The following ZNF497 variants were observed in gnomAD, a reference collection of about 807,000 sequenced individuals.
ZNF497 encodes the protein zinc finger-like protein.
For synonymous variants in ZNF497, 422 were observed against 313.7 expected (o/e 1.35, Z -3.65); for missense variants, 930 against 714.0 (o/e 1.30, Z -3.45).
In ZNF497 at chr19:58,357,110, G is replaced by A; in HGVS notation, c.526C>T (p.Gln176Ter). 6.2e-7 allele frequency: 1 copy of A among 1,608,094 alleles called. No individual in the cohort carries two copies. Among genetic ancestry groups the A allele is most frequent in the African/African-American group, 1.3e-5 (1 of 74,616 alleles). Residue 176 changes from glutamine to a stop codon, truncating the protein, a stop_gained, in exon 3 of 3, where the codon CAG becomes TAG. Transcript: ENST00000311044. LOFTEE classifies it low-confidence loss of function (END_TRUNC). ...ECGKAFRAHSQLIHHQETHSG... is the reference protein window; with the variant it reads ...ECGKAFRAHS ...TGTGTCTCCTGGTGGTGGATGAGCT[G>A]CGAGTGCGCGCGGAAGGCCTTGCCG... is the stretch of plus-strand genomic sequence containing the variant.
In ZNF497 at chr19:58,356,936, G is replaced by A; in HGVS notation, c.700C>T (p.Leu234=). Residue 234 remains leucine, a synonymous_variant, in exon 3 of 3, where the codon CTG becomes TTG. Coordinates refer to ENST00000311044, the MANE Select transcript of ZNF497 (RefSeq NM_198458.3). Reference sequence around the variant, plus strand: ...CCCGTGTGCACGCGCCGGTGCTCCAGGAAATTGGAGTTCCAGCTGAAGGCC... The same window carrying A: ...CCCGTGTGCACGCGCCGGTGCTCCAAGAAATTGGAGTTCCAGCTGAAGGCC... ...GKAFSWNSNF[L]EHRRVHTGAR... is the part of the protein sequence containing the mutation. The A allele has an allele frequency of 6.3e-7, 1 of 1,599,452 alleles. No individual in the cohort carries two copies. Among genetic ancestry groups the A allele is most frequent in the Non-Finnish European group, 8.5e-7 (1 of 1,176,410 alleles).
intron 1 of ZNF497, 32 bp from the exon 2 acceptor site, chr19:58,358,617 GGT>G: frequency 8.9e-7 from 1 of 1,120,354 alleles, no homozygotes; most frequent in Non-Finnish European, 1.1e-6. Context: ...GGCAGGGTGA[GGT>G]GTTCAGCCTA....
At chr19:58,358,697 GAC>G (rs977084221) in intron 1 of ZNF497, 112 bp from the exon 2 acceptor site, 17 of 494,696 alleles carry the variant, frequency 3.4e-5, no homozygotes, top group Non-Finnish European at 5.1e-5. Flanking sequence ...CAGTTCTCAG[GAC>G]ACAATGCGGA....
At chr19:58,359,185 G>A (rs2052063908) in intron 1 of ZNF497, 2 of 1,290,930 alleles carry the variant, frequency 1.5e-6, no homozygotes, top group Non-Finnish European at 2.0e-6. Flanking sequence ...TCTTGGAGCT[G>A]GGCTCACCCA....
At position 58,356,906 on chromosome 19, in the gene ZNF497, G is replaced by A. The variant is rs955087098; in HGVS notation, c.730C>T (p.Arg244Trp). Residue 244 changes from arginine (R) to tryptophan (W), a missense_variant, in exon 3 of 3, where the codon CGG becomes TGG. Physicochemically the swap from Arg to Trp is moderately radical, Grantham distance 101 (BLOSUM62 -3). Transcript: ENST00000311044. ...LEHRRVHTGA[R>W]PHACRDCGKA... ...CCACAGTCCCGGCAGGCGTGCGGCCGCGCGCCCGTGTGCACGCGCCGGTGC... is the reference window on the plus strand; with the variant it reads ...CCACAGTCCCGGCAGGCGTGCGGCCACGCGCCCGTGTGCACGCGCCGGTGC... 4 of 1,547,756 alleles carry A rather than the reference G, an allele frequency of 2.6e-6. No individual in the cohort carries two copies. The South Asian group carries it at 3.4e-5, about 13-fold the overall frequency.
At position 58,356,821 on chromosome 19, in the gene ZNF497, C is replaced by A; in HGVS notation, c.815G>T (p.Arg272Leu). ...AEHLKIHAGA[R>L]PHACPDCGKA... is the part of the protein sequence containing the mutation. ...GCCGCAGTCGGGACAGGCGTGTGGCCGTGCGCCCGCGTGGATCTTCAGGTG... is the reference window on the plus strand; with the variant it reads ...GCCGCAGTCGGGACAGGCGTGTGGCAGTGCGCCCGCGTGGATCTTCAGGTG... Residue 272 changes from arginine (R) to leucine (L), a missense_variant, in exon 3 of 3, where the codon CGG (arginine) becomes CTG (leucine). Coordinates refer to ENST00000311044, the MANE Select transcript of ZNF497 (RefSeq NM_198458.3). 6.4e-7 allele frequency: 1 copy of A among 1,559,812 alleles called. No individual in the cohort carries two copies.
At position 58,357,596 on chromosome 19, in the gene ZNF497, C is replaced by G; in HGVS notation, c.40G>C (p.Glu14Gln). The change falls in exon 3 of 3, where the codon GAG (glutamate) becomes CAG (glutamine). Residue 14 changes from glutamate (E) to glutamine (Q), a missense_variant. Glu to Gln is a conservative substitution (Grantham distance 29). Coordinates refer to ENST00000311044, the MANE Select transcript of ZNF497 (RefSeq NM_198458.3). ...PRGWTLQVAP[E>Q]EGQVLCNVKT... Reference sequence around the variant, plus strand: ...ACATTGCAGAGGACCTGGCCTTCCTCTGGGGCCACCTGCAGGGTCCACCCT... The same window carrying G: ...ACATTGCAGAGGACCTGGCCTTCCTGTGGGGCCACCTGCAGGGTCCACCCT... 1.9e-6 allele frequency: 3 copies of G among 1,558,208 alleles called. No homozygotes were observed. The highest frequency in any genetic ancestry group is 2.6e-6 in the Non-Finnish European group (3 of 1,155,806).
rs551580074 is a variant in ZNF497, at chr19:58,360,767, C to CTTTTTT, written c.-112+1904_-112+1909dup. Among the ~76,000 whole-genome samples the CTTTTTT allele has an allele frequency of 1.4e-3, 47 of 34,530 alleles. 13 individuals carry two copies. The highest frequency in any genetic ancestry group is 2.3e-3 in the Admixed American group (5 of 2,144). 22.7% of individuals were successfully genotyped at this position (34,530 alleles called of 152,430 possible). ...ATGTTGGCCAGGCTGGTCCCGAACT[C>CTTTTTT]TTTTTTTTTTTTTTTTTTTTTTTTT... On this transcript the variant is annotated intron_variant, in intron 1 of 2. Coordinates refer to ENST00000311044, the MANE Select transcript of ZNF497 (RefSeq NM_198458.3).
chr19:58,356,971 T>C lies in ZNF497; in HGVS notation c.665A>G (p.Glu222Gly). 1 of 1,607,900 alleles carries C rather than the reference T, an allele frequency of 6.2e-7. No individual in the cohort carries two copies. Among genetic ancestry groups the C allele is most frequent in the Non-Finnish European group, 8.5e-7 (1 of 1,178,616 alleles). ...HTGEKPYECP[E>G]CGKAFSWNSN... is the part of the protein sequence containing the mutation. ...GTTCCAGCTGAAGGCCTTGCCGCACTCCGGGCACTCGTAGGGCTTCTCGCC... is the reference window on the plus strand; with the variant it reads ...GTTCCAGCTGAAGGCCTTGCCGCACCCCGGGCACTCGTAGGGCTTCTCGCC... The change falls in exon 3 of 3, where the codon GAG becomes GGG. Residue 222 changes from glutamate (E) to glycine (G), a missense_variant. By Grantham distance (98) the Glu-to-Gly change is moderately conservative (BLOSUM62 -2). Transcript: ENST00000311044.
intron 2 of ZNF497, 131 bp from the exon 3 acceptor site, chr19:58,357,780 G>GC: frequency 8.4e-7 from 1 of 1,195,306 alleles, no homozygotes; most frequent in Non-Finnish European, 1.1e-6. Context: ...GATGCCCAAT[G>GC]CCCTCTGGAG....
chr19:58,356,974 G>A lies in ZNF497; in HGVS notation c.662C>T (p.Pro221Leu). Residue 221 changes from proline to leucine, a missense_variant, in exon 3 of 3, where the codon CCG (proline) becomes CTG (leucine). Pro to Leu is a moderately conservative substitution (Grantham distance 98). Transcript: ENST00000311044. ...THTGEKPYEC[P>L]ECGKAFSWNS... The stretch of plus-strand genomic sequence containing the variant: ...CCAGCTGAAGGCCTTGCCGCACTCC[G>A]GGCACTCGTAGGGCTTCTCGCCCGT... 6.3e-7 allele frequency: 1 copy of A among 1,599,660 alleles called. No individual in the cohort carries two copies.
rs1360421508 is a variant in ZNF497, at chr19:58,356,376, G to T, written c.1260C>A (p.Gly420=). The change falls in exon 3 of 3, where the codon GGC becomes GGA. Residue 420 remains glycine (G), a synonymous_variant. Transcript: ENST00000311044. The stretch of plus-strand genomic sequence containing the variant: ...GCTCGGAGCTGCCGCGGAAGGCCTT[G>T]CCGCATTCTGCGCAGGCGAAGGGTC... ...GERPFACAEC[G]KAFRGSSELR... is the part of the protein sequence containing the mutation. 2.6e-6 allele frequency: 4 copies of T among 1,565,888 alleles called. No homozygotes were observed. In the African/African-American group the frequency reaches 4.1e-5, roughly 16 times the overall value.
At position 58,356,214 on chromosome 19, in the gene ZNF497, C is replaced by G. The variant is rs773488278; in HGVS notation, c.1422G>C (p.Glu474Asp). Residue 474 changes from glutamate to aspartate, a missense_variant, in exon 3 of 3, where the codon GAG becomes GAC. Transcript: ENST00000311044. ...AACGGTGGCTGAAAGGCTTCCCGCA[C>G]TCGCCGCAAGCGTAGGGCCTCTCGC... ...HTGERPYACGECGKPFSHRCN... is the reference protein window; with the variant it reads ...HTGERPYACGDCGKPFSHRCN... 1.9e-5 allele frequency: 30 copies of G among 1,601,970 alleles called. No individual in the cohort carries two copies. Among genetic ancestry groups the G allele is most frequent in the Admixed American group, 6.7e-5 (4 of 59,332 alleles).
chr19:58,361,637 A>G (rs372291921), intron 1 of ZNF497, among the ~76,000 whole-genome samples: 2 of 152,202 alleles, frequency 1.3e-5, no homozygotes, highest in African/African-American at 4.8e-5. Flanking sequence ...GATTACAGAC[A>G]TGAGCCACCG....
In ZNF497 at chr19:58,357,426, G is replaced by C; in HGVS notation, c.210C>G (p.Pro70=). 6.3e-7 allele frequency: 1 copy of C among 1,599,918 alleles called. No homozygotes were observed. Among genetic ancestry groups the C allele is most frequent in the Non-Finnish European group, 8.5e-7 (1 of 1,173,622 alleles). Residue 70 remains proline, a synonymous_variant, in exon 3 of 3, where the codon CCC becomes CCG. Coordinates refer to ENST00000311044, the MANE Select transcript of ZNF497 (RefSeq NM_198458.3). ...CGTCTGCGGGGCCCAGCTCCCTGCCGGGGCCTCCCTGTTCGTCCGCCGCCC... is the reference window on the plus strand; with the variant it reads ...CGTCTGCGGGGCCCAGCTCCCTGCCCGGGCCTCCCTGTTCGTCCGCCGCCC... ...TLGAADEQGG[P]GRELGPADGG... is the part of the protein sequence containing the mutation.
At position 58,356,535 on chromosome 19, in the gene ZNF497, G is replaced by GA. The variant is rs1400229378; in HGVS notation, c.1100dup (p.Ser368GlnfsTer240). 3.2e-6 allele frequency: 5 copies of GA among 1,549,752 alleles called. No homozygotes were observed. The highest frequency in any genetic ancestry group is 4.3e-6 in the Non-Finnish European group (5 of 1,152,712). ...GGCTCAGTAGGTTGGAGCGCTGGCT[G>GA]AAGGCCTTGCCGCACTGGGCGCACG... On this transcript the variant is annotated frameshift_variant, in exon 3 of 3. Coordinates refer to ENST00000311044, the MANE Select transcript of ZNF497 (RefSeq NM_198458.3).
chr19:58,360,139 T>C (rs1276391582), intron 1 of ZNF497, among the ~76,000 whole-genome samples: 2 of 152,136 alleles, frequency 1.3e-5, no homozygotes, highest in African/African-American at 4.8e-5. Flanking sequence ...AGACAGAAAG[T>C]AGATCAGCGG....
chr19:58,357,948 G>A (rs1172195297), intron 2 of ZNF497: 2 of 1,315,778 alleles, frequency 1.5e-6, no homozygotes, highest in Non-Finnish European at 1.9e-6. Context: ...AGTTGCCCAC[G>A]CACCTGCACT....
In ZNF497 at chr19:58,356,870, T is replaced by A; in HGVS notation, c.766A>T (p.Ser256Cys). 3 of 1,588,180 alleles carry A rather than the reference T, an allele frequency of 1.9e-6. No individual in the cohort carries two copies. The South Asian group carries it at 3.3e-5, about 18-fold the overall frequency. ...HACRDCGKAF[S>C]QSSNLAEHLK... is the part of the protein sequence containing the mutation. ...TGCTCGGCCAGGTTGGAGCTCTGGCTGAAGGCCTTGCCACAGTCCCGGCAG... is the reference window on the plus strand; with the variant it reads ...TGCTCGGCCAGGTTGGAGCTCTGGCAGAAGGCCTTGCCACAGTCCCGGCAG... Residue 256 changes from serine (S) to cysteine (C), a missense_variant, in exon 3 of 3, where the codon AGC (serine) becomes TGC (cysteine). Physicochemically the swap from Ser to Cys is moderately radical, Grantham distance 112. Transcript: ENST00000311044.
Sources: allele counts gnomAD v4.1 joint callset (sites outside exome capture counted in the v4.1 genomes callset), GRCh38; gene constraint gnomAD v4.1.1; transcripts MANE v1.5; gene names NCBI Gene and HGNC (gene_info 2026-07-23, HGNC 2026-07-21).